Variants in CIB2 observed in about 807,000 individuals in gnomAD.
CIB2 encodes calcium and integrin-binding family member 2.
In CIB2, 19 loss-of-function variants were observed where a neutral mutation model predicts 23.1. The ratio of observed to expected loss-of-function variants is 0.82; its 90% CI spans 0.57 to 1.21. The LOEUF is 1.21. CIB2 is among the 50% of genes most tolerant of loss of function. The pLI is 0.00. For missense variants in CIB2, 220 were observed against 241.5 expected, an observed-to-expected ratio of 0.91 and a Z score of 0.59; for synonymous variants, 94 against 91.7, an observed-to-expected ratio of 1.03 and a Z score of -0.14.
intron 3 of CIB2, among the ~76,000 whole-genome samples, chr15:78,110,433 A>G (rs909247367): frequency 1.3e-5 from 2 of 152,212 alleles, no homozygotes; most frequent in African/African-American, 4.8e-5. Flanking sequence ...GGTCACAACC[A>G]GAGTGCAGGC....
intron 1 of CIB2, 41 bp from the exon 2 acceptor site, chr15:78,123,780 T>C (rs1282914332): frequency 6.2e-7 from 1 of 1,612,420 alleles, no homozygotes; most frequent in East Asian, 2.2e-5. Context: ...AGTGTGCGGC[T>C]CCCAGACTTT....
chr15:78,107,097 T>C (rs1246995353), intron 4 of CIB2, among the ~76,000 whole-genome samples: 1 of 149,702 alleles, frequency 6.7e-6, no homozygotes, highest in Non-Finnish European at 1.5e-5. Context: ...TAGCCGGGCG[T>C]GGTGGTGGAC....
At chr15:78,106,664 G>A (rs2074075124) in intron 4 of CIB2, among the ~76,000 whole-genome samples, 1 of 152,076 alleles carries the variant, frequency 6.6e-6, no homozygotes, top group South Asian at 2.1e-4. Flanking sequence ...CCAGATCTGC[G>A]CATGTGCTGT....
intron 1 of CIB2, among the ~76,000 whole-genome samples, chr15:78,127,183 G>T (rs74474583): frequency 6.6e-6 from 1 of 152,070 alleles, no homozygotes; most frequent in South Asian, 2.1e-4. Context: ...CCCCAGAGTC[G>T]GTAGCTCTGC....
In CIB2 at chr15:78,109,194, C is replaced by T. The variant is rs759445405; in HGVS notation, c.346+41G>A. 5.9e-5 allele frequency: 75 copies of T among 1,268,748 alleles called. 3 individuals carry two copies. In the East Asian group the frequency reaches 1.9e-3, roughly 32 times the overall value. The allele number at this position is 1,268,748 out of a possible 1,614,324, so 78.6% of individuals were successfully genotyped here. ...GACAGCCTAAGGGCCCCACATGTTC[C>T]CCCACCGCATATTCAGGCCCCCTCC... On this transcript the variant is annotated intron_variant, in intron 4 of 5. Coordinates refer to ENST00000258930, the MANE Select transcript of CIB2 (RefSeq NM_006383.4).
intron 1 of CIB2, among the ~76,000 whole-genome samples, chr15:78,130,611 G>C (rs1439018774): frequency 6.6e-6 from 1 of 152,146 alleles, no homozygotes. Context: ...GGCTGCTACC[G>C]GGCTTGCGTT....
chr15:78,119,863 G>A (rs1314348936), intron 2 of CIB2, among the ~76,000 whole-genome samples: 1 of 151,150 alleles, frequency 6.6e-6, no homozygotes, highest in Middle Eastern at 3.2e-3. Context: ...GAGCCACTGC[G>A]CCTGGCCAAT....
chr15:78,131,356 C>A lies in CIB2; in HGVS notation c.-141G>T. On this transcript the variant is annotated 5_prime_UTR_variant, in exon 1 of 6. Transcript: ENST00000258930. This position sits in a 1 kb window ranked among gnomAD's most constrained non-coding sequence, Gnocchi z 5.8. ...CCCACGGTGGCCGGACCCTTCCCGC[C>A]CCGCAGCTCGCCTGGAGGAGGCGCG... The A allele has an allele frequency of 2.0e-6, 1 of 505,778 alleles. No individual in the cohort carries two copies. The highest frequency in any genetic ancestry group is 2.1e-5 in the African/African-American group (1 of 48,414). 31.3% of individuals were successfully genotyped at this position (505,778 alleles called of 1,614,324 possible). A position where few individuals can be genotyped will look rare whatever the true frequency, so the allele number is the denominator to read the frequency against.
intron 1 of CIB2, 34 bp from the exon 2 acceptor site, chr15:78,123,773 G>A (rs1408170483): frequency 1.9e-6 from 3 of 1,613,806 alleles, no homozygotes; most frequent in Admixed American, 1.7e-5. Flanking sequence ...CACAGTCAGT[G>A]TGCGGCTCCC....
rs992947211 is a variant in CIB2, at chr15:78,124,189, G to A, written c.52-450C>T. Among the ~76,000 whole-genome samples the A allele has an allele frequency of 2.0e-5, 3 of 152,128 alleles. No individual in the cohort carries two copies. In the South Asian group the frequency reaches 6.2e-4, roughly 32 times the overall value. On this transcript the variant is annotated intron_variant, in intron 1 of 5. Transcript: ENST00000258930. ...CCCTGAGCATGGTGCTAGGGGGGTT[G>A]TGCAGTCCCAGGCTCAGAGACTGAG...
At position 78,109,003 on chromosome 15, in the gene CIB2, C is replaced by T. The variant is rs149691331; in HGVS notation, c.346+232G>A. 0.012 allele frequency among the ~76,000 whole-genome samples: 1,771 copies of T among 152,366 alleles called. 20 individuals carry two copies. Among genetic ancestry groups the T allele is most frequent in the Middle Eastern group, 0.02 (6 of 294 alleles). ...TGGGACCCCTCTCACACTAACCACC[C>T]GACCTGGGATGGGTGAGTCCCTCCC... On this transcript the variant is annotated intron_variant, in intron 4 of 5. Coordinates refer to ENST00000258930, the MANE Select transcript of CIB2 (RefSeq NM_006383.4).
intron 1 of CIB2, among the ~76,000 whole-genome samples, chr15:78,124,752 T>C (rs1458287869): frequency 6.6e-6 from 1 of 152,180 alleles, no homozygotes; most frequent in Non-Finnish European, 1.5e-5. Context: ...CCTGGGGCCA[T>C]AAGCTGACCA....
At chr15:78,114,624 A>G (rs538134221) in intron 2 of CIB2, among the ~76,000 whole-genome samples, 6 of 152,280 alleles carry the variant, frequency 3.9e-5, no homozygotes, top group African/African-American at 1.4e-4. Flanking sequence ...GCATAGATAG[A>G]TGAAAAAGTC....
At chr15:78,130,824 G>C (rs886245968) in intron 1 of CIB2, among the ~76,000 whole-genome samples, 1 of 152,174 alleles carries the variant, frequency 6.6e-6, no homozygotes, top group Non-Finnish European at 1.5e-5. Context: ...GGGGAGGGCG[G>C]TCCTCCGTCC....
chr15:78,107,642 G>A (rs942239995), intron 4 of CIB2, among the ~76,000 whole-genome samples: 1 of 152,178 alleles, frequency 6.6e-6, no homozygotes, highest in East Asian at 1.9e-4. Flanking sequence ...GTGCCCACCC[G>A]GTCCATGCGA....
intron 5 of CIB2, 159 bp downstream of exon 5, chr15:78,105,580 G>C: frequency 1.3e-6 from 2 of 1,499,452 alleles, no homozygotes; most frequent in South Asian, 2.6e-5. Flanking sequence ...GGGGACAAAG[G>C]CCAGTCACAC....
At chr15:78,111,665 A>T (rs559231945) in intron 2 of CIB2, among the ~76,000 whole-genome samples, 1 of 152,100 alleles carries the variant, frequency 6.6e-6, no homozygotes, top group South Asian at 2.1e-4. Flanking sequence ...CCTCCACATC[A>T]CTGTGCAGAC....
At chr15:78,126,083 C>T (rs2074376691) in intron 1 of CIB2, among the ~76,000 whole-genome samples, 1 of 151,918 alleles carries the variant, frequency 6.6e-6, no homozygotes, top group Non-Finnish European at 1.5e-5. Context: ...TTAAGTTGCA[C>T]ACACAGCCCA....
chr15:78,121,849 G>A (rs763342159), intron 2 of CIB2, among the ~76,000 whole-genome samples: 4 of 152,198 alleles, frequency 2.6e-5, no homozygotes, highest in Admixed American at 6.5e-5. Context: ...ATATTGGATC[G>A]GATTCCCGGA....
Sources: allele counts gnomAD v4.1 joint callset (sites outside exome capture counted in the v4.1 genomes callset), GRCh38; gene constraint gnomAD v4.1.1; non-coding constraint Gnocchi (gnomAD v3.1); transcripts MANE v1.5; gene names NCBI Gene and HGNC (gene_info 2026-07-23, HGNC 2026-07-21).